The following PITPNM1 variants were observed in gnomAD, a reference collection of about 807,000 sequenced individuals.
PITPNM1 encodes the protein membrane-associated phosphatidylinositol transfer protein 1.
In PITPNM1, 74 loss-of-function variants were observed where a neutral mutation model predicts 133.3. That is an observed-to-expected ratio of 0.56 (90% confidence interval 0.46 to 0.67). The LOEUF (loss-of-function observed/expected upper bound fraction) is 0.67. PITPNM1 is among the 30% of genes least tolerant of loss of function. PITPNM1 has a pLI of 0.00. For missense variants in PITPNM1, 1,398 were observed against 1,739.5 expected, an observed-to-expected ratio of 0.80 and a Z score of 3.49; for synonymous variants, 738 against 741.4, an observed-to-expected ratio of 1.00 and a Z score of 0.08.
chr11:67,495,801 C>T (rs1479192380), intron 15 of PITPNM1, among the ~76,000 whole-genome samples, 199 bp from the exon 16 acceptor site: 8 of 152,246 alleles, frequency 5.3e-5, no homozygotes, highest in Non-Finnish European at 4.4e-5. Flanking sequence ...CCGCCCCAAA[C>T]GCTGCACACC....
chr11:67,504,036 G>A lies in PITPNM1; in HGVS notation c.78+67C>T, dbSNP rs1250678867. On this transcript the variant is annotated intron_variant, in intron 2 of 23. Transcript: ENST00000356404. This position sits in a 1 kb window ranked among gnomAD's most constrained non-coding sequence, Gnocchi z 5.4. ...GGGCTCCCAGCCGGTCCCAGCCCCG[G>A]GGCAGGGCTGGCGGGGTCGGCAGGG... The A allele has an allele frequency of 7.8e-7, 1 of 1,289,366 alleles. No homozygotes were observed. Among genetic ancestry groups the A allele is most frequent in the Non-Finnish European group, 1.1e-6 (1 of 929,572 alleles). The allele number at this position is 1,289,366 out of a possible 1,614,324, so 79.9% of individuals were successfully genotyped here.
rs749988287 is a variant in PITPNM1 at position 67,495,082 on chromosome 11, G to A, written c.2626C>T (p.Arg876Cys). Residue 876 changes from arginine to cysteine, a missense_variant, in exon 17 of 24, where the codon CGC becomes TGC. Coordinates refer to ENST00000356404, the MANE Select transcript of PITPNM1 (RefSeq NM_004910.3). The stretch of plus-strand genomic sequence containing the variant: ...TTCCATATTCCCAGGCCCACCTGGC[G>A]CAGGATGAACGCCACCACGTCGGCG... Reference protein sequence around the residue: ...ESADVVAFILRQVIEKERPQL... With the variant: ...ESADVVAFILCQVIEKERPQL... 1.2e-6 allele frequency: 2 copies of A among 1,612,614 alleles called. No individual in the cohort carries two copies. Among genetic ancestry groups the A allele is most frequent in the Non-Finnish European group, 1.7e-6 (2 of 1,179,848 alleles).
rs750553651 is a variant in PITPNM1 at position 67,502,266 on chromosome 11, G to C, written c.415+26C>G. ...GCCAGGAGCCTGAGAGGGGCGCCAG[G>C]GTCCCCCCATAGCTCCAGGCCTCAC... On this transcript the variant is annotated intron_variant, in intron 4 of 23. Transcript: ENST00000356404. This position sits in a 1 kb window ranked among gnomAD's most constrained non-coding sequence, Gnocchi z 5.9. 7.5e-6 allele frequency: 12 copies of C among 1,605,792 alleles called. No individual in the cohort carries two copies. The highest frequency in any genetic ancestry group is 5.4e-5 in the African/African-American group (4 of 74,766).
In PITPNM1 at chr11:67,504,228, C is replaced by A. The variant is rs375839224; in HGVS notation, c.-41-7G>T. 8 of 1,443,548 alleles carry A rather than the reference C, an allele frequency of 5.5e-6. No individual in the cohort carries two copies. The African/African-American group carries it at 8.5e-5, about 15-fold the overall frequency. The allele number at this position is 1,443,548 out of a possible 1,614,324, so 89.4% of individuals were successfully genotyped here. On this transcript the variant is annotated splice_polypyrimidine_tract_variant and splice_region_variant and intron_variant, in intron 1 of 23. Transcript: ENST00000356404. The surrounding 1 kb of genome is among the most constrained non-coding windows in gnomAD (Gnocchi z 5.4). Reference sequence around the variant, plus strand: ...CGCGCGGCCTCCGCTCCTCCTGGCGCAGGGCACGGCGCGACAGTCAGTGCG... The same window carrying A: ...CGCGCGGCCTCCGCTCCTCCTGGCGAAGGGCACGGCGCGACAGTCAGTGCG...
rs373924835 is a variant in PITPNM1 at position 67,500,159 on chromosome 11, G to A, written c.903C>T (p.Pro301=). The change falls in exon 6 of 24, where the codon CCC becomes CCT. Residue 301 remains proline, a synonymous_variant. Transcript: ENST00000356404. ...ACCACTGCTTCCCAAAGCTGGCATC[G>A]GGGGAGGCATCTGGGCCTGGGGGGG... is the stretch of plus-strand genomic sequence containing the variant. ...PEAPPGPDAS[P]DASFGKQWSS... 114 of 1,594,396 alleles carry A rather than the reference G, an allele frequency of 7.2e-5. No homozygotes were observed. In the South Asian group the frequency reaches 8.6e-4, roughly 12 times the overall value.
chr11:67,498,003 C>A lies in PITPNM1; in HGVS notation c.1696G>T (p.Val566Phe), dbSNP rs1301158721. The A allele has an allele frequency of 6.2e-7, 1 of 1,610,640 alleles. No individual in the cohort carries two copies. Among genetic ancestry groups the A allele is most frequent in the Non-Finnish European group, 8.5e-7 (1 of 1,179,986 alleles). ...CGQVALIGDG[V>F]GGILGFDALC... ...GCATCAAAGCCCAGGATGCCACCAA[C>A]ACCATCTCCAATCAGTGCGACCTGG... is the stretch of plus-strand genomic sequence containing the variant. Residue 566 changes from valine (V) to phenylalanine (F), a missense_variant, in exon 12 of 24, where the codon GTT (valine) becomes TTT (phenylalanine). Val to Phe is a conservative substitution (Grantham distance 50). Around this residue, in one of 5 missense-constraint regions of PITPNM1, gnomAD observed 574 missense variants for 698.7 expected, o/e 0.82. Transcript: ENST00000356404. This position sits in a 1 kb window ranked among gnomAD's most constrained non-coding sequence, Gnocchi z 5.7.
chr11:67,492,848 C>T, intron 23 of PITPNM1, 86 bp downstream of exon 23: 1 of 1,497,890 alleles, frequency 6.7e-7, no homozygotes, highest in South Asian at 1.3e-5. Flanking sequence ...CTCACATCTT[C>T]CCCAGAGTCC....
upstream of PITPNM1, chr11:67,505,385 C>A (rs1020920421): frequency 3.3e-5 from 5 of 152,164 alleles, no homozygotes; most frequent in African/African-American, 1.2e-4. The surrounding 1 kb of genome is among the most constrained non-coding windows in gnomAD (Gnocchi z 5.8). Flanking sequence ...CCGACGCCCG[C>A]CGCGTCACTG....
rs1866187682 is a variant in PITPNM1, at chr11:67,498,020, G to A, written c.1679C>T (p.Ala560Val). 6.2e-7 allele frequency: 1 copy of A among 1,610,026 alleles called. No homozygotes were observed. The highest frequency in any genetic ancestry group is 8.5e-7 in the Non-Finnish European group (1 of 1,179,826). The change falls in exon 12 of 24, where the codon GCA (alanine) becomes GTA (valine). Residue 560 changes from alanine (A) to valine (V), a missense_variant. Physicochemically the swap from Ala to Val is moderately conservative, Grantham distance 64 (BLOSUM62 0). Coordinates refer to ENST00000356404, the MANE Select transcript of PITPNM1 (RefSeq NM_004910.3). The surrounding 1 kb of genome is among the most constrained non-coding windows in gnomAD (Gnocchi z 5.7). ...GCCACCAACACCATCTCCAATCAGTGCGACCTGGGTGGGAGCAGGGGCACC... is the reference window on the plus strand; with the variant it reads ...GCCACCAACACCATCTCCAATCAGTACGACCTGGGTGGGAGCAGGGGCACC... ...PEGAGFCGQV[A>V]LIGDGVGGIL...
At position 67,492,219 on chromosome 11, in the gene PITPNM1, CG is replaced by C; in HGVS notation, c.3548del (p.Pro1183ArgfsTer56). ...GSHSHASSGP[P>X]RAALGKSSYG... ...AGCTGCTCTTGCCCAAGGCAGCTCT[CG>C]GGGGTCCCGAGGAGGCATGCGAGTG... On this transcript the variant is annotated frameshift_variant, in exon 24 of 24. Transcript: ENST00000356404. LOFTEE classifies it high-confidence loss of function. 6.2e-7 allele frequency: 1 copy of C among 1,609,478 alleles called. No individual in the cohort carries two copies. Among genetic ancestry groups the C allele is most frequent in the Non-Finnish European group, 8.5e-7 (1 of 1,178,310 alleles).
At chr11:67,495,015 C>T (rs1044343281) in intron 17 of PITPNM1, 59 bp from the exon 18 acceptor site, 6 of 1,604,930 alleles carry the variant, frequency 3.7e-6, no homozygotes, top group Non-Finnish European at 5.1e-6. Flanking sequence ...TGCCCCTCCC[C>T]CGGCCCAAAG....
Position 67,497,643 on chromosome 11 carries a change from G to C in PITPNM1, c.1819C>G (p.Arg607Gly), listed in dbSNP as rs757915989. The C allele has an allele frequency of 1.3e-5, 21 of 1,610,008 alleles. No individual in the cohort carries two copies. Among genetic ancestry groups the C allele is most frequent in the African/African-American group, 4.0e-5 (3 of 74,698 alleles). The change falls in exon 13 of 24, where the codon CGG becomes GGG. Residue 607 changes from arginine to glycine, a missense_variant. By Grantham distance (125) the Arg-to-Gly change is moderately radical. Coordinates refer to ENST00000356404, the MANE Select transcript of PITPNM1 (RefSeq NM_004910.3). ...TCCACACCATCTGCCAGGGGGTCCC[G>C]CACTGGGCCAAACTCCGGAGAGAGC... ...ELLSPEFGPVRDPLADGVEGL... is the reference protein window; with the variant it reads ...ELLSPEFGPVGDPLADGVEGL...
In PITPNM1 at chr11:67,504,326, C is replaced by A; in HGVS notation, c.-41-105G>T. 1 of 366,272 alleles carries A rather than the reference C, an allele frequency of 2.7e-6. No homozygotes were observed. Among genetic ancestry groups the A allele is most frequent in the Non-Finnish European group, 4.7e-6 (1 of 214,824 alleles). 22.7% of individuals were successfully genotyped at this position (366,272 alleles called of 1,614,324 possible). On this transcript the variant is annotated intron_variant, in intron 1 of 23. Transcript: ENST00000356404. The surrounding 1 kb of genome is among the most constrained non-coding windows in gnomAD (Gnocchi z 5.4). ...AGGCCACGGGACCCCATGTCCGGGCCCGCCACGAGGGAGGCAGAGGCGAGC... is the reference window on the plus strand; with the variant it reads ...AGGCCACGGGACCCCATGTCCGGGCACGCCACGAGGGAGGCAGAGGCGAGC...
Position 67,504,090 on chromosome 11 carries a change from C to A in PITPNM1, c.78+13G>T. 1 of 1,587,888 alleles carries A rather than the reference C, an allele frequency of 6.3e-7. No individual in the cohort carries two copies. Among genetic ancestry groups the A allele is most frequent in the Non-Finnish European group, 8.5e-7 (1 of 1,169,846 alleles). ...CACCCCTTGCCCGGGTGCCCTCTCCCCGCCGCCCTCACCTGGATCATGTAG... is the reference window on the plus strand; with the variant it reads ...CACCCCTTGCCCGGGTGCCCTCTCCACGCCGCCCTCACCTGGATCATGTAG... On this transcript the variant is annotated intron_variant, in intron 2 of 23. Transcript: ENST00000356404. The surrounding 1 kb of genome is among the most constrained non-coding windows in gnomAD (Gnocchi z 5.4).
Position 67,500,142 on chromosome 11 carries a change from T to C in PITPNM1, c.920A>G (p.Lys307Arg). The change falls in exon 6 of 24, where the codon AAG becomes AGG. Residue 307 changes from lysine (K) to arginine (R), a missense_variant. Physicochemically the swap from Lys to Arg is conservative, Grantham distance 26. Transcript: ENST00000356404. ...GGAACGGGAGGATGAGGACCACTGC[T>C]TCCCAAAGCTGGCATCGGGGGAGGC... ...PDASPDASFG[K>R]QWSSSSRSSY... is the part of the protein sequence containing the mutation. The C allele has an allele frequency of 6.3e-7, 1 of 1,593,038 alleles. No individual in the cohort carries two copies.
Position 67,497,975 on chromosome 11 carries a change from A to C in PITPNM1, c.1724T>G (p.Leu575Arg). The change falls in exon 12 of 24, where the codon CTC becomes CGC. Residue 575 changes from leucine to arginine, a missense_variant. Physicochemically the swap from Leu to Arg is moderately radical, Grantham distance 102. Transcript: ENST00000356404. ...GVGGILGFDA[L>R]CHSANAGTGS... Reference sequence around the variant, plus strand: ...GGTGCCCGCGTTAGCACTGTGGCAGAGTGCATCAAAGCCCAGGATGCCACC... The same window carrying C: ...GGTGCCCGCGTTAGCACTGTGGCAGCGTGCATCAAAGCCCAGGATGCCACC... The C allele has an allele frequency of 1.2e-6, 2 of 1,611,184 alleles. No individual in the cohort carries two copies. The highest frequency in any genetic ancestry group is 1.7e-6 in the Non-Finnish European group (2 of 1,179,982).
chr11:67,499,869 C>G, intron 7 of PITPNM1, 39 bp from the exon 8 acceptor site: 1 of 1,592,370 alleles, frequency 6.3e-7, no homozygotes, highest in Non-Finnish European at 8.6e-7. Context: ...GTGGGAGGAG[C>G]TGCTCGGGGA....
Position 67,493,841 on chromosome 11 carries a change from C to T in PITPNM1, c.3009-4G>A. 3.9e-6 allele frequency: 6 copies of T among 1,538,434 alleles called. No homozygotes were observed. Among genetic ancestry groups the T allele is most frequent in the East Asian group, 2.4e-5 (1 of 40,976 alleles). On this transcript the variant is annotated splice_region_variant and splice_polypyrimidine_tract_variant and intron_variant, in intron 20 of 23. Coordinates refer to ENST00000356404, the MANE Select transcript of PITPNM1 (RefSeq NM_004910.3). ...TTCGGCATAGGTGTGGTCGCCCCTGCGGCCCACGGGGCGGGGCGTGAGTGG... is the reference window on the plus strand; with the variant it reads ...TTCGGCATAGGTGTGGTCGCCCCTGTGGCCCACGGGGCGGGGCGTGAGTGG...
intron 12 of PITPNM1, 69 bp from the exon 13 acceptor site, chr11:67,497,748 G>A: frequency 1.3e-6 from 2 of 1,580,516 alleles, no homozygotes; most frequent in Non-Finnish European, 8.6e-7. Flanking sequence ...ACTTAGAAGT[G>A]AGGAGCGAGG....
Sources: allele counts gnomAD v4.1 joint callset (sites outside exome capture counted in the v4.1 genomes callset), GRCh38; gene constraint gnomAD v4.1.1; regional missense constraint gnomAD v4.1.1; non-coding constraint Gnocchi (gnomAD v3.1); transcripts MANE v1.5; gene names NCBI Gene and HGNC (gene_info 2026-07-23, HGNC 2026-07-21).